SLAIN2: variants seen among roughly 807,000 people sequenced by gnomAD.
SLAIN2 encodes the protein SLAIN motif-containing protein 2.
In SLAIN2, 31 loss-of-function variants were observed where a neutral mutation model predicts 56.6. That is an observed-to-expected ratio of 0.55 (90% CI 0.41 to 0.74). SLAIN2 has a LOEUF of 0.74. Ranked by LOEUF, SLAIN2 falls within the 30% of genes least tolerant of loss-of-function variation. SLAIN2 has a pLI of 0.00. For missense variants in SLAIN2, 777 were observed against 754.2 expected (o/e 1.03, Z -0.35); for synonymous variants, 317 against 284.9 (o/e 1.11, Z -1.13).
At chr4:48,366,023 A>C (rs1715511741) in intron 1 of SLAIN2, among the ~76,000 whole-genome samples, 1 of 152,082 alleles carries the variant, frequency 6.6e-6, no homozygotes, top group African/African-American at 2.4e-5. Flanking sequence ...TTTTGTTTTT[A>C]TTCAGTTCAC....
intron 1 of SLAIN2, among the ~76,000 whole-genome samples, chr4:48,356,660 C>T (rs1197136995): frequency 6.6e-6 from 1 of 152,082 alleles, no homozygotes; most frequent in Non-Finnish European, 1.5e-5. Flanking sequence ...CTAGTGTTTC[C>T]CAGCATTCCC....
intron 1 of SLAIN2, among the ~76,000 whole-genome samples, chr4:48,355,034 ACCAT>A (rs1715121241): frequency 6.6e-6 from 1 of 152,002 alleles, no homozygotes; most frequent in Admixed American, 6.6e-5. Flanking sequence ...GGCGACTGCC[ACCAT>A]ACCTGGCTGA....
chr4:48,413,976 G>A (rs1716932485), intron 6 of SLAIN2, among the ~76,000 whole-genome samples: 1 of 152,028 alleles, frequency 6.6e-6, no homozygotes, highest in African/African-American at 2.4e-5. Flanking sequence ...GAAACCTTAA[G>A]TAGAAAACAA....
At chr4:48,372,998 C>T (rs1488394841) in intron 2 of SLAIN2, among the ~76,000 whole-genome samples, 3 of 152,118 alleles carry the variant, frequency 2.0e-5, no homozygotes, top group Non-Finnish European at 2.9e-5. Context: ...CTGCAGCGCA[C>T]TATCACTCGT....
chr4:48,399,008 A>G (rs894905867), intron 6 of SLAIN2, among the ~76,000 whole-genome samples: 5 of 152,266 alleles, frequency 3.3e-5, no homozygotes, highest in Non-Finnish European at 5.9e-5. Flanking sequence ...GAATTTTAAA[A>G]TAGTTTTTTT....
intron 1 of SLAIN2, among the ~76,000 whole-genome samples, chr4:48,363,366 ACGGGGCGGCTGGCCGGG>A (rs1715387159): frequency 1.3e-5 from 1 of 74,986 alleles, no homozygotes; most frequent in African/African-American, 4.5e-5. Context: ...CACCTCCCGG[ACGGGGCGGCTGGCCGGG>A]CGGGGGGGCT....
chr4:48,374,021 A>G (rs1715737582), intron 2 of SLAIN2, among the ~76,000 whole-genome samples: 1 of 152,132 alleles, frequency 6.6e-6, no homozygotes, highest in Non-Finnish European at 1.5e-5. Flanking sequence ...CTGGGCAGCA[A>G]GAGTGAAACT....
In SLAIN2 at chr4:48,426,134, A is replaced by AG. The variant is rs1277155668; in HGVS notation, c.*4060dup. 2.0e-5 allele frequency: 3 copies of AG among 152,062 alleles called. No homozygotes were observed. The highest frequency in any genetic ancestry group is 4.4e-5 in the Non-Finnish European group (3 of 68,004). The allele number at this position is 152,062 out of a possible 1,614,324, so 9.4% of individuals were successfully genotyped here. Reference sequence around the variant, plus strand: ...ACATGGTTATGACATGTTAAGTGGAAGGGTAGAAGGTCTTTTTTTTTTTAA... The same window carrying AG: ...ACATGGTTATGACATGTTAAGTGGAAGGGGTAGAAGGTCTTTTTTTTTTTAA... On this transcript the variant is annotated 3_prime_UTR_variant, in exon 8 of 8. Transcript: ENST00000264313.
intron 6 of SLAIN2, among the ~76,000 whole-genome samples, chr4:48,418,939 T>C (rs1717072029): frequency 6.6e-6 from 1 of 152,232 alleles, no homozygotes; most frequent in Admixed American, 6.5e-5. Flanking sequence ...CTTTGTTCTA[T>C]ACATCAGTAG....
At chr4:48,374,762 A>T (rs74372757) in intron 2 of SLAIN2, among the ~76,000 whole-genome samples, 4,522 of 152,286 alleles carry the variant, frequency 0.03, 73 homozygotes, top group Admixed American at 0.046. Flanking sequence ...TGGAAAGCAT[A>T]GTAGATATGG....
rs1714717888 is a variant in SLAIN2, at chr4:48,341,956, G to A, written c.217G>A (p.Ala73Thr). The A allele has an allele frequency of 6.9e-7, 1 of 1,448,466 alleles. No individual in the cohort carries two copies. Among genetic ancestry groups the A allele is most frequent in the South Asian group, 1.4e-5 (1 of 69,932 alleles). 89.7% of individuals were successfully genotyped at this position (1,448,466 alleles called of 1,614,324 possible). The change falls in exon 1 of 8, where the codon GCC (alanine) becomes ACC (threonine). Residue 73 changes from alanine to threonine, a missense_variant. Transcript: ENST00000264313. ...TCGGGGCTTCCCCTTGGGCCTCAGC[G>A]CCAAGTCGGGCGGCGGGCCCGGGTC... is the stretch of plus-strand genomic sequence containing the variant. ...SPRGFPLGLS[A>T]KSGGGPGSGP... is the part of the protein sequence containing the mutation.
chr4:48,415,303 T>C (rs1235610491), intron 6 of SLAIN2, among the ~76,000 whole-genome samples: 1 of 58,296 alleles, frequency 1.7e-5, no homozygotes, highest in Admixed American at 1.8e-4. Context: ...ATTTCTCTGA[T>C]GGCCAGTGAT....
intron 2 of SLAIN2, among the ~76,000 whole-genome samples, chr4:48,376,619 CTTTTTTTTTT>C (rs556187877): frequency 9.3e-6 from 1 of 107,564 alleles, no homozygotes; most frequent in Non-Finnish European, 1.8e-5. Flanking sequence ...TTCAGGTTGA[CTTTTTTTTTT>C]TTTTTTTTTT....
At chr4:48,408,198 C>T (rs1716749500) in intron 6 of SLAIN2, among the ~76,000 whole-genome samples, 1 of 152,028 alleles carries the variant, frequency 6.6e-6, no homozygotes, top group Admixed American at 6.6e-5. Context: ...GGCATGGTGG[C>T]ACGCACCTGT....
At chr4:48,398,994 A>G (rs553417832) in intron 6 of SLAIN2, among the ~76,000 whole-genome samples, 1 of 152,304 alleles carries the variant, frequency 6.6e-6, no homozygotes, top group South Asian at 2.1e-4. Context: ...TTTTGGTTCC[A>G]TATGAATTTT....
At chr4:48,369,117 A>G (rs564880880) in intron 1 of SLAIN2, among the ~76,000 whole-genome samples, 66 of 152,308 alleles carry the variant, frequency 4.3e-4, no homozygotes, top group Admixed American at 1.2e-3. Context: ...TTAGAAATCA[A>G]TAGCTATTTG....
intron 6 of SLAIN2, among the ~76,000 whole-genome samples, chr4:48,388,329 C>T (rs1577726710): frequency 6.6e-6 from 1 of 152,184 alleles, no homozygotes; most frequent in East Asian, 1.9e-4. Flanking sequence ...AAGGAATGTT[C>T]GTGAGAGAGT....
intron 1 of SLAIN2, among the ~76,000 whole-genome samples, chr4:48,365,102 T>C (rs1715477318): frequency 6.6e-6 from 1 of 152,102 alleles, no homozygotes; most frequent in Non-Finnish European, 1.5e-5. Flanking sequence ...TGTCCTCTCT[T>C]TTGTTTTTGG....
intron 1 of SLAIN2, among the ~76,000 whole-genome samples, chr4:48,345,907 A>G (rs969513786): frequency 9.9e-5 from 15 of 152,228 alleles, no homozygotes; most frequent in African/African-American, 2.7e-4. Context: ...ATACCAGTCC[A>G]TTAATCAACA....
Sources: gnomAD v4.1 joint callset for allele counts (sites outside exome capture counted in the v4.1 genomes callset) on GRCh38, gnomAD v4.1.1 for gene constraint, MANE v1.5 for transcripts, NCBI Gene and HGNC (gene_info 2026-07-23, HGNC 2026-07-21) for gene names.